Variants in AGTR2 observed in about 807,000 individuals in gnomAD.
The protein encoded by AGTR2 is angiotensin II receptor type 2, also known as type-2 angiotensin II receptor.
Under a neutral mutation model 14.2 loss-of-function variants are expected in AGTR2, and 15 were observed. The ratio of observed to expected loss-of-function variants is 1.05; its 90% confidence interval spans 0.70 to 1.62. The LOEUF (loss-of-function observed/expected upper bound fraction) is 1.62, where lower values mean the gene tolerates loss of function less well. Ranked by LOEUF, AGTR2 falls within the 40% of genes most tolerant of loss-of-function variation. The pLI is 0.00. For missense variants in AGTR2, 274 were observed against 273.1 expected, an observed-to-expected ratio of 1.00 and a Z score of -0.02; for synonymous variants, 101 against 98.5, an observed-to-expected ratio of 1.03 and a Z score of -0.15.
chrX:116,172,725 C>T lies in AGTR2; in HGVS notation c.445C>T (p.Pro149Ser), dbSNP rs781999048. 4.1e-6 allele frequency: 5 copies of T among 1,209,993 alleles called. No homozygotes were observed. The highest frequency in any genetic ancestry group is 5.6e-6 in the Non-Finnish European group (5 of 894,319). The stretch of plus-strand genomic sequence containing the variant: ...TGATAGGTACCAATCTGTCATCTAC[C>T]CCTTTCTGTCTCAAAGAAGAAATCC... ...SVDRYQSVIY[P>S]FLSQRRNPWQ... The change falls in exon 3 of 3, where the codon CCC (proline) becomes TCC (serine). Residue 149 changes from proline (P) to serine (S), a missense_variant. Physicochemically the swap from Pro to Ser is moderately conservative, Grantham distance 74 (BLOSUM62 -1). Transcript: ENST00000371906.
Position 116,173,050 on chromosome X carries a change from T to C in AGTR2, c.770T>C (p.Met257Thr). 1.7e-6 allele frequency: 2 copies of C among 1,211,323 alleles called. No individual in the cohort carries two copies. The highest frequency in any genetic ancestry group is 2.2e-6 in the Non-Finnish European group (2 of 895,188). The change falls in exon 3 of 3, where the codon ATG (methionine) becomes ACG (threonine). Residue 257 changes from methionine to threonine, a missense_variant. By Grantham distance (81) the Met-to-Thr change is moderately conservative. Coordinates refer to ENST00000371906, the MANE Select transcript of AGTR2 (RefSeq NM_000686.5). ...NRITRDQVLK[M>T]AAAVVLAFII... is the part of the protein sequence containing the mutation. ...ATAACCCGTGACCAAGTCCTGAAGA[T>C]GGCAGCTGCTGTTGTTCTGGCCTTC...
rs1188866843 is a variant in AGTR2, at chrX:116,173,742, G to C, written c.*370G>C. The C allele has an allele frequency of 1.4e-5, 3 of 209,465 alleles. No homozygotes were observed. Among genetic ancestry groups the C allele is most frequent in the Non-Finnish European group, 2.8e-5 (3 of 108,897 alleles). 17.3% of individuals were successfully genotyped at this position (209,465 alleles called of 1,213,427 possible). ...TTTATCAGGATTTCCTCTTGAACCAGAACCAGTCTTTCAACTCATTGCATC... is the reference window on the plus strand; with the variant it reads ...TTTATCAGGATTTCCTCTTGAACCACAACCAGTCTTTCAACTCATTGCATC... On this transcript the variant is annotated 3_prime_UTR_variant, in exon 3 of 3. Coordinates refer to ENST00000371906, the MANE Select transcript of AGTR2 (RefSeq NM_000686.5).
chrX:116,170,775 T>C lies in AGTR2; in HGVS notation c.-137T>C. ...ACGTCCCAGCGTCTGAGAGAACGAG[T>C]AAGCACAGAATTCAAAGCATTCTGC... is the stretch of plus-strand genomic sequence containing the variant. On this transcript the variant is annotated 5_prime_UTR_variant, in exon 1 of 3. Coordinates refer to ENST00000371906, the MANE Select transcript of AGTR2 (RefSeq NM_000686.5). 9.0e-6 allele frequency: 1 copy of C among 111,553 alleles called. No individual in the cohort carries two copies. Among genetic ancestry groups the C allele is most frequent in the African/African-American group, 3.3e-5 (1 of 30,726 alleles). The allele number at this position is 111,553 out of a possible 1,213,427, so 9.2% of individuals were successfully genotyped here.
intron 2 of AGTR2, 23 bp downstream of exon 2, chrX:116,171,050 T>C (rs1157241100): frequency 9.0e-6 from 1 of 111,480 alleles, no homozygotes; most frequent in Non-Finnish European, 1.9e-5. Flanking sequence ...GTGGAATTTA[T>C]TATTGATTCT....
rs1376106895 is a variant in AGTR2, at chrX:116,174,593, C to A, written c.*1221C>A. 1 of 122,809 alleles carries A rather than the reference C, an allele frequency of 8.1e-6. No individual in the cohort carries two copies. Among genetic ancestry groups the A allele is most frequent in the Non-Finnish European group, 1.9e-5 (1 of 53,080 alleles). The allele number at this position is 122,809 out of a possible 1,213,427, so 10.1% of individuals were successfully genotyped here. ...TACCTCCTTCTCAGCACTATTAAAG[C>A]TCCTAAGTTAGAGGAGTGCCTAAAA... On this transcript the variant is annotated 3_prime_UTR_variant, in exon 3 of 3. Transcript: ENST00000371906.
At chrX:116,172,218 C>A in intron 2 of AGTR2, 28 bp from the exon 3 acceptor site, 1 of 1,183,491 alleles carries the variant, frequency 8.4e-7, no homozygotes, top group South Asian at 1.8e-5. Flanking sequence ...TGTATGTGTT[C>A]TAAGAGTTCT....
chrX:116,173,012 T>C lies in AGTR2; in HGVS notation c.732T>C (p.Tyr244=). The C allele has an allele frequency of 4.1e-6, 5 of 1,211,654 alleles. No homozygotes were observed. Among genetic ancestry groups the C allele is most frequent in the Non-Finnish European group, 5.6e-6 (5 of 895,365 alleles). The change falls in exon 3 of 3, where the codon TAT becomes TAC. Residue 244 remains tyrosine, a synonymous_variant. Transcript: ENST00000371906. The stretch of plus-strand genomic sequence containing the variant: ...AACACTTACTGAAGACGAATAGCTA[T>C]GGGAAGAACAGGATAACCCGTGACC... The part of the protein sequence containing the change: ...IRKHLLKTNS[Y]GKNRITRDQV...
rs2147302474 is a variant in AGTR2, at chrX:116,173,204, C to A, written c.924C>A (p.Phe308Leu). 8.3e-7 allele frequency: 1 copy of A among 1,208,425 alleles called. No homozygotes were observed. Among genetic ancestry groups the A allele is most frequent in the Non-Finnish European group, 1.1e-6 (1 of 894,380 alleles). Residue 308 changes from phenylalanine to leucine, a missense_variant, in exon 3 of 3, where the codon TTC (phenylalanine) becomes TTA (leucine). Phe to Leu is a conservative substitution (Grantham distance 22). Transcript: ENST00000371906. Reference sequence around the variant, plus strand: ...TTCCTTTTGCCATCCTCTTGGGATTCACCAACAGCTGCGTTAATCCGTTTC... The same window carrying A: ...TTCCTTTTGCCATCCTCTTGGGATTAACCAACAGCTGCGTTAATCCGTTTC... Reference protein sequence around the residue: ...LALPFAILLGFTNSCVNPFLY... With the variant: ...LALPFAILLGLTNSCVNPFLY...
chrX:116,173,671 C>G lies in AGTR2; in HGVS notation c.*299C>G, dbSNP rs1569536565. Reference sequence around the variant, plus strand: ...AATAATGATTTGGGGATTCAGATTTCTCTTTGAAACATGCTTGTGTTTCTT... The same window carrying G: ...AATAATGATTTGGGGATTCAGATTTGTCTTTGAAACATGCTTGTGTTTCTT... On this transcript the variant is annotated 3_prime_UTR_variant, in exon 3 of 3. Coordinates refer to ENST00000371906, the MANE Select transcript of AGTR2 (RefSeq NM_000686.5). The G allele has an allele frequency of 1.5e-5, 4 of 265,629 alleles. No homozygotes were observed. In the Admixed American group the frequency reaches 2.5e-4, roughly 17 times the overall value. The allele number at this position is 265,629 out of a possible 1,213,427, so 21.9% of individuals were successfully genotyped here. A position where few individuals can be genotyped will look rare whatever the true frequency, so the allele number is the denominator to read the frequency against.
Position 116,173,413 on chromosome X carries a change from T to A in AGTR2, c.*41T>A. 8.3e-7 allele frequency: 1 copy of A among 1,202,161 alleles called. No homozygotes were observed. The highest frequency in any genetic ancestry group is 1.1e-6 in the Non-Finnish European group (1 of 888,045). On this transcript the variant is annotated 3_prime_UTR_variant, in exon 3 of 3. Transcript: ENST00000371906. ...GCATGTAATCAACATGGCTACTTGCTTTGAGGCTCACCAGAATTATTTTTA... is the reference window on the plus strand; with the variant it reads ...GCATGTAATCAACATGGCTACTTGCATTGAGGCTCACCAGAATTATTTTTA...
rs5190 is a variant in AGTR2, at chrX:116,172,778, T to C, written c.498T>C (p.Leu166=). 943 of 1,209,232 alleles carry C rather than the reference T, an allele frequency of 7.8e-4. 9 individuals are homozygous for C. The African/African-American group carries it at 0.015, about 19-fold the overall frequency. ...NPWQASYIVP[L]VWCMACLSSL... Reference sequence around the variant, plus strand: ...GGCAAGCATCTTATATAGTTCCCCTTGTTTGGTGTATGGCCTGTTTGTCCT... The same window carrying C: ...GGCAAGCATCTTATATAGTTCCCCTCGTTTGGTGTATGGCCTGTTTGTCCT... The change falls in exon 3 of 3, where the codon CTT becomes CTC. Residue 166 remains leucine (L), a synonymous_variant. Transcript: ENST00000371906.
chrX:116,174,369 G>C lies in AGTR2; in HGVS notation c.*997G>C, dbSNP rs1922564956. The C allele has an allele frequency of 8.2e-6, 1 of 122,287 alleles. No individual in the cohort carries two copies. Among genetic ancestry groups the C allele is most frequent in the Non-Finnish European group, 1.9e-5 (1 of 52,967 alleles). 10.1% of individuals were successfully genotyped at this position (122,287 alleles called of 1,213,427 possible). On this transcript the variant is annotated 3_prime_UTR_variant, in exon 3 of 3. Coordinates refer to ENST00000371906, the MANE Select transcript of AGTR2 (RefSeq NM_000686.5). Reference sequence around the variant, plus strand: ...GAAATGGTATCCAGAATGGAATTTTGCTACATGGGGTCTGGGTGGGGGCAA... The same window carrying C: ...GAAATGGTATCCAGAATGGAATTTTCCTACATGGGGTCTGGGTGGGGGCAA...
Position 116,172,672 on chromosome X carries a change from G to A in AGTR2, c.392G>A (p.Ser131Asn), listed in dbSNP as rs1370228497. 1.7e-6 allele frequency: 2 copies of A among 1,209,004 alleles called. No homozygotes were observed. Among genetic ancestry groups the A allele is most frequent in the African/African-American group, 3.5e-5 (2 of 56,887 alleles). Residue 131 changes from serine to asparagine, a missense_variant, in exon 3 of 3, where the codon AGC (serine) becomes AAC (asparagine). Ser to Asn is a conservative substitution (Grantham distance 46). Transcript: ENST00000371906. ...TTTCTTACCCTGAACATGTTTGCAA[G>A]CATTTTTTTTATCACCTGCATGAGT... Reference protein sequence around the residue: ...GSFLTLNMFASIFFITCMSVD... With the variant: ...GSFLTLNMFANIFFITCMSVD...
At position 116,174,803 on chromosome X, in the gene AGTR2, G is replaced by C. The variant is rs1197441304; in HGVS notation, c.*1431G>C. ...ACTCAGCATCTCTGCCAGGTTCCAG[G>C]ATTATAGACAGAAGAGTCCTGTCAT... is the stretch of plus-strand genomic sequence containing the variant. On this transcript the variant is annotated 3_prime_UTR_variant, in exon 3 of 3. Transcript: ENST00000371906. The C allele has an allele frequency of 8.2e-6, 1 of 122,315 alleles. No individual in the cohort carries two copies. Among genetic ancestry groups the C allele is most frequent in the Non-Finnish European group, 1.9e-5 (1 of 52,991 alleles). The allele number at this position is 122,315 out of a possible 1,213,427, so 10.1% of individuals were successfully genotyped here. A position where few individuals can be genotyped will look rare whatever the true frequency, so the allele number is the denominator to read the frequency against.
Position 116,172,251 on chromosome X carries a change from A to G in AGTR2, c.-30A>G, listed in dbSNP as rs782343483. Reference sequence around the variant, plus strand: ...TCTATGTTTTTTCTCCACAGAAGGCATAAGAACTAGGAGCTGCTGACATTT... The same window carrying G: ...TCTATGTTTTTTCTCCACAGAAGGCGTAAGAACTAGGAGCTGCTGACATTT... On this transcript the variant is annotated 5_prime_UTR_variant, in exon 3 of 3. Coordinates refer to ENST00000371906, the MANE Select transcript of AGTR2 (RefSeq NM_000686.5). 22 of 1,207,909 alleles carry G rather than the reference A, an allele frequency of 1.8e-5. No homozygotes were observed. In the Admixed American group the frequency reaches 4.6e-4, roughly 25 times the overall value.
chrX:116,174,857 T>A lies in AGTR2; in HGVS notation c.*1485T>A, dbSNP rs1286111476. Reference sequence around the variant, plus strand: ...ACTTTCTGGAAAAGTCCTAATTTCATGTAATCCTTTTATTTTCAATAAAAA... The same window carrying A: ...ACTTTCTGGAAAAGTCCTAATTTCAAGTAATCCTTTTATTTTCAATAAAAA... On this transcript the variant is annotated 3_prime_UTR_variant, in exon 3 of 3. Transcript: ENST00000371906. The A allele has an allele frequency of 1.6e-5, 2 of 122,798 alleles. No homozygotes were observed. The highest frequency in any genetic ancestry group is 6.5e-5 in the African/African-American group (2 of 30,676). The allele number at this position is 122,798 out of a possible 1,213,427, so 10.1% of individuals were successfully genotyped here. A position where few individuals can be genotyped will look rare whatever the true frequency, so the allele number is the denominator to read the frequency against.
rs782176432 is a variant in AGTR2, at chrX:116,173,269, G to C, written c.989G>C (p.Arg330Pro). ...GGAAACCGGTTCCAACAGAAGCTCC[G>C]CAGTGTGTTTAGGGTTCCAATTACT... ...FVGNRFQQKLRSVFRVPITWL... is the reference protein window; with the variant it reads ...FVGNRFQQKLPSVFRVPITWL... The change falls in exon 3 of 3, where the codon CGC (arginine) becomes CCC (proline). Residue 330 changes from arginine (R) to proline (P), a missense_variant. Coordinates refer to ENST00000371906, the MANE Select transcript of AGTR2 (RefSeq NM_000686.5). 9.9e-6 allele frequency: 12 copies of C among 1,209,322 alleles called. No homozygotes were observed. The Admixed American group carries it at 1.1e-4, about 11-fold the overall frequency.
At chrX:116,172,106 C>G in intron 2 of AGTR2, 140 bp from the exon 3 acceptor site, 1 of 480,429 alleles carries the variant, frequency 2.1e-6, no homozygotes, top group South Asian at 4.3e-5. Context: ...TCTTGTTTTA[C>G]AAGCCATGGC....
In AGTR2 at chrX:116,170,744, G is replaced by A. The variant is rs1306985861; in HGVS notation, c.-168G>A. On this transcript the variant is annotated 5_prime_UTR_variant, in exon 1 of 3. Coordinates refer to ENST00000371906, the MANE Select transcript of AGTR2 (RefSeq NM_000686.5). ...ATAAGAAGGAAACCAGAGATCTGGT[G>A]CTATTACGTCCCAGCGTCTGAGAGA... 1.8e-5 allele frequency: 2 copies of A among 111,672 alleles called. No homozygotes were observed. Among genetic ancestry groups the A allele is most frequent in the Non-Finnish European group, 3.8e-5 (2 of 53,070 alleles). 9.2% of individuals were successfully genotyped at this position (111,672 alleles called of 1,213,427 possible). A position where few individuals can be genotyped will look rare whatever the true frequency, so the allele number is the denominator to read the frequency against.
Sources: allele counts gnomAD v4.1 joint callset, GRCh38; gene constraint gnomAD v4.1.1; transcripts MANE v1.5; gene names NCBI Gene and HGNC (gene_info 2026-07-23, HGNC 2026-07-21).